Variants in CTNNA2 observed in about 807,000 individuals in gnomAD.
CTNNA2 encodes the protein catenin alpha-2.
Under a neutral mutation model 101.0 loss-of-function variants are expected in CTNNA2, and 42 were observed. The observed-to-expected ratio is 0.42, with a 90% CI of 0.32 to 0.54. The LOEUF is 0.54. Ranked by LOEUF, CTNNA2 falls within the 20% of genes least tolerant of loss-of-function variation. The probability of loss-of-function intolerance (pLI) is 0.14; values close to 1 mark genes in which losing one functional copy is unlikely to be tolerated. For missense variants in CTNNA2, 871 were observed against 1,223.1 expected (o/e 0.71, Z 4.29); for synonymous variants, 450 against 456.4 (o/e 0.99, Z 0.18).
At chr2:79,404,267 G>A (rs971236355) in intron 4 of CTNNA2, among the ~76,000 whole-genome samples, 1 of 151,902 alleles carries the variant, frequency 6.6e-6, no homozygotes, top group African/African-American at 2.4e-5. Flanking sequence ...ATGAATATGG[G>A]GATGGTAAAA....
rs553673684 is a variant in CTNNA2 at position 79,906,462 on chromosome 2, G to C, written c.853-3132G>C. 4.6e-5 allele frequency among the ~76,000 whole-genome samples: 7 copies of C among 152,226 alleles called. No homozygotes were observed. The East Asian group carries it at 1.4e-3, about 29-fold the overall frequency. On this transcript the variant is annotated intron_variant, in intron 6 of 18. Transcript: ENST00000402739. ...TGCTTTTCACATCCATCATTGCAAT[G>C]CTCCCCATCTGTACTGCAGATACAG...
intron 7 of CTNNA2, among the ~76,000 whole-genome samples, chr2:80,280,486 TG>T (rs575024502): frequency 3.3e-5 from 5 of 151,900 alleles, no homozygotes; most frequent in Admixed American, 3.3e-4. Context: ...TTCAGGCCAG[TG>T]GCACTCAGCT....
intron 6 of CTNNA2, among the ~76,000 whole-genome samples, chr2:79,903,638 T>G (rs1274035940): frequency 6.6e-6 from 1 of 151,930 alleles, no homozygotes; most frequent in Non-Finnish European, 1.5e-5. Context: ...AAAATAGGAG[T>G]GACTGGGCTT....
chr2:80,534,858 TA>T, intron 9 of CTNNA2, among the ~76,000 whole-genome samples: 1 of 152,242 alleles, frequency 6.6e-6, no homozygotes, highest in South Asian at 2.1e-4. Context: ...ACTAGATGCC[TA>T]AAGATGTGTA....
intron 7 of CTNNA2, among the ~76,000 whole-genome samples, chr2:80,118,414 G>A (rs1378415162): frequency 1.3e-5 from 2 of 152,172 alleles, no homozygotes; most frequent in Non-Finnish European, 2.9e-5. Flanking sequence ...CCAAATAGCA[G>A]AAATCAGAAA....
intron 3 of CTNNA2, among the ~76,000 whole-genome samples, chr2:79,349,143 G>A (rs988512927): frequency 6.6e-6 from 1 of 152,188 alleles, no homozygotes; most frequent in Admixed American, 6.5e-5. Context: ...TATTCTGATT[G>A]CACAGTGGGT....
At chr2:80,584,861 A>G (rs924857738) in intron 14 of CTNNA2, among the ~76,000 whole-genome samples, 4 of 152,158 alleles carry the variant, frequency 2.6e-5, no homozygotes, top group Non-Finnish European at 4.4e-5. Context: ...AAGGCTGACT[A>G]AATAATTTCA....
chr2:79,909,281 C>T (rs1407589671), intron 6 of CTNNA2, among the ~76,000 whole-genome samples: 2 of 152,164 alleles, frequency 1.3e-5, no homozygotes, highest in African/African-American at 2.4e-5. Flanking sequence ...AATGTTCTTT[C>T]CTTAAAGGCT....
At chr2:79,562,284 TATATC>T (rs1447420121) in intron 1 of CTNNA2, among the ~76,000 whole-genome samples, 1 of 152,060 alleles carries the variant, frequency 6.6e-6, no homozygotes. Flanking sequence ...TGTCTATCCT[TATATC>T]ATTATTAGAC....
chr2:79,213,978 G>C (rs1674212543), intron 2 of CTNNA2, among the ~76,000 whole-genome samples: 1 of 152,142 alleles, frequency 6.6e-6, no homozygotes, highest in Non-Finnish European at 1.5e-5. Flanking sequence ...AAGTTGTTTG[G>C]ACAGAAACAC....
chr2:80,598,289 C>A (rs1320731406), intron 15 of CTNNA2, among the ~76,000 whole-genome samples: 3 of 152,050 alleles, frequency 2.0e-5, no homozygotes, highest in Admixed American at 6.5e-5. Context: ...ACAACACACA[C>A]TGGGGCCTGT....
chr2:79,787,195 T>G (rs542130086), intron 3 of CTNNA2, among the ~76,000 whole-genome samples: 2 of 152,256 alleles, frequency 1.3e-5, no homozygotes, highest in East Asian at 3.9e-4. Context: ...TAAAAATAAA[T>G]TATATTATTG....
chr2:80,285,693 C>T (rs1674706585), intron 7 of CTNNA2, among the ~76,000 whole-genome samples: 1 of 152,138 alleles, frequency 6.6e-6, no homozygotes, highest in Admixed American at 6.5e-5. Context: ...ATGAATGTCC[C>T]TTCAGAGATG....
At chr2:80,118,987 T>G (rs919658261) in intron 7 of CTNNA2, among the ~76,000 whole-genome samples, 1 of 152,244 alleles carries the variant, frequency 6.6e-6, no homozygotes, top group Non-Finnish European at 1.5e-5. Flanking sequence ...GAGTTAAATG[T>G]GGATGCAATA....
At chr2:79,533,884 A>G (rs1201277223) in intron 1 of CTNNA2, among the ~76,000 whole-genome samples, 1 of 152,116 alleles carries the variant, frequency 6.6e-6, no homozygotes, top group Non-Finnish European at 1.5e-5. Context: ...TTAATTTGGC[A>G]CAAAATCTCT....
At chr2:79,634,590 A>C (rs1235157663) in intron 1 of CTNNA2, 1 of 152,224 alleles carries the variant, frequency 6.6e-6, no homozygotes, top group Non-Finnish European at 1.5e-5. Flanking sequence ...ATTAAAGTAG[A>C]GTGAGATTTA....
At chr2:80,581,430 T>TA (rs1695532155) in intron 13 of CTNNA2, among the ~76,000 whole-genome samples, 1 of 152,170 alleles carries the variant, frequency 6.6e-6, no homozygotes, top group Non-Finnish European at 1.5e-5. Flanking sequence ...AATACACAGA[T>TA]ATCATTTTTC....
intron 7 of CTNNA2, chr2:80,378,756 G>T (rs369040529): frequency 5.9e-4 from 90 of 152,314 alleles, no homozygotes; most frequent in African/African-American, 2.0e-3. Context: ...ATCAGGGCTT[G>T]GAAGACAGGG....
intron 6 of CTNNA2, among the ~76,000 whole-genome samples, chr2:79,885,180 A>G (rs1305674380): frequency 6.6e-6 from 1 of 152,074 alleles, no homozygotes; most frequent in Admixed American, 6.5e-5. Context: ...CCAGGGTTGG[A>G]GTGCATTTTC....
Sources: allele counts gnomAD v4.1 joint callset (sites outside exome capture counted in the v4.1 genomes callset), GRCh38; gene constraint gnomAD v4.1.1; transcripts MANE v1.5; gene names NCBI Gene and HGNC (gene_info 2026-07-23, HGNC 2026-07-21).